GNPTAB: variants seen among roughly 807,000 people sequenced by gnomAD.
The protein encoded by GNPTAB is N-acetylglucosamine-1-phosphate transferase subunits alpha and beta.
GNPTAB carries 92 observed loss-of-function variants against 136.6 expected under a neutral mutation model. The observed-to-expected ratio is 0.67, with a 90% CI of 0.57 to 0.80. GNPTAB has a LOEUF of 0.80. Among genes scored for constraint, GNPTAB ranks in the 30% least tolerant of loss-of-function variants. The probability of loss-of-function intolerance (pLI) is 0.00; values close to 1 mark genes in which losing one functional copy is unlikely to be tolerated. For missense variants in GNPTAB, 1,343 were observed against 1,501.8 expected (o/e 0.89, Z 1.75); for synonymous variants, 512 against 535.1 (o/e 0.96, Z 0.60).
intron 2 of GNPTAB, among the ~76,000 whole-genome samples, chr12:101,791,484 C>A (rs543404831): frequency 6.8e-6 from 1 of 147,750 alleles, no homozygotes; most frequent in African/African-American, 2.5e-5. Context: ...TAATAAACCA[C>A]GCAAAAAAAA....
intron 1 of GNPTAB, among the ~76,000 whole-genome samples, chr12:101,807,401 T>C (rs1307634220): frequency 6.6e-6 from 1 of 152,160 alleles, no homozygotes; most frequent in Non-Finnish European, 1.5e-5. Flanking sequence ...CCCATCACCA[T>C]TCTTATTCAA....
In GNPTAB at chr12:101,766,075, T is replaced by G. The variant is rs752134032; in HGVS notation, c.1612+16A>C. ...GTTTTATGCTCCCATTCTTATTTGTTTGGCAGTAAACATACCTTGCCCACA... is the reference window on the plus strand; with the variant it reads ...GTTTTATGCTCCCATTCTTATTTGTGTGGCAGTAAACATACCTTGCCCACA... On this transcript the variant is annotated intron_variant, in intron 12 of 20. Transcript: ENST00000299314. The G allele has an allele frequency of 1.9e-6, 3 of 1,608,942 alleles. No individual in the cohort carries two copies. The Admixed American group carries it at 5.0e-5, about 27-fold the overall frequency.
At chr12:101,804,584 TG>T (rs1485373515) in intron 1 of GNPTAB, among the ~76,000 whole-genome samples, 1 of 152,226 alleles carries the variant, frequency 6.6e-6, no homozygotes, top group Non-Finnish European at 1.5e-5. Flanking sequence ...ATATGGTATG[TG>T]GCCACAAGTC....
chr12:101,816,663 C>T (rs1251423408), intron 1 of GNPTAB, among the ~76,000 whole-genome samples: 9 of 152,110 alleles, frequency 5.9e-5, no homozygotes, highest in African/African-American at 9.7e-5. Context: ...AAAAATAGAA[C>T]GACTATATGA....
chr12:101,768,020 G>A lies in GNPTAB; in HGVS notation c.1408+17C>T, dbSNP rs1384598259. On this transcript the variant is annotated intron_variant, in intron 11 of 20. Coordinates refer to ENST00000299314, the MANE Select transcript of GNPTAB (RefSeq NM_024312.5). ...ATTCCATAAAAATGAACGAATTACA[G>A]TTTAACACATCCTTACCAGAGCAAT... is the stretch of plus-strand genomic sequence containing the variant. 1.2e-6 allele frequency: 2 copies of A among 1,613,288 alleles called. No individual in the cohort carries two copies. The highest frequency in any genetic ancestry group is 1.7e-5 in the Admixed American group (1 of 59,996).
chr12:101,790,143 G>T, intron 2 of GNPTAB, 86 bp from the exon 3 acceptor site: 1 of 1,577,298 alleles, frequency 6.3e-7, no homozygotes, highest in African/African-American at 1.3e-5. Flanking sequence ...TAAACCCAGA[G>T]ATTATGAAAA....
At chr12:101,747,294 T>C (rs977866568) in intron 20 of GNPTAB, 53 bp from the exon 21 acceptor site, 16 of 1,025,628 alleles carry the variant, frequency 1.6e-5, no homozygotes, top group African/African-American at 4.7e-5. Flanking sequence ...GATGAAAGAA[T>C]ATAAGTGCAT....
chr12:101,750,225 T>G (rs772420729), intron 19 of GNPTAB, among the ~76,000 whole-genome samples: 7 of 152,228 alleles, frequency 4.6e-5, no homozygotes, highest in Non-Finnish European at 1.0e-4. Flanking sequence ...ACCATAGGTT[T>G]GGAAGATATG....
intron 5 of GNPTAB, among the ~76,000 whole-genome samples, chr12:101,781,296 A>C (rs1485409690): frequency 3.3e-5 from 5 of 152,200 alleles, no homozygotes; most frequent in Non-Finnish European, 5.9e-5. Context: ...TCTGATCTTC[A>C]AGATAAACAA....
chr12:101,812,987 T>TGTG (rs376699605), intron 1 of GNPTAB, among the ~76,000 whole-genome samples: 7 of 133,020 alleles, frequency 5.3e-5, no homozygotes, highest in African/African-American at 2.0e-4. Context: ...TTTGTGTGTG[T>TGTG]TTTTTTTTTT....
At position 101,764,954 on chromosome 12, in the gene GNPTAB, G is replaced by A. The variant is rs940673327; in HGVS notation, c.1963C>T (p.Pro655Ser). Residue 655 changes from proline to serine, a missense_variant, in exon 13 of 21, where the codon CCC (proline) becomes TCC (serine). Pro to Ser is a moderately conservative substitution (Grantham distance 74, BLOSUM62 -1). Transcript: ENST00000299314. The part of the protein sequence containing the change: ...AQKGYENLVS[P>S]ITLLPEAEIL... ...TCCGCCTCTGGAAGAAGTGTTATGG[G>A]ACTAACTAAATTTTCGTAACCCTTC... is the stretch of plus-strand genomic sequence containing the variant. The A allele has an allele frequency of 1.4e-5, 23 of 1,613,818 alleles. No homozygotes were observed. Among genetic ancestry groups the A allele is most frequent in the Non-Finnish European group, 1.9e-5 (22 of 1,179,982 alleles).
At chr12:101,823,597 G>A (rs1234696248) in intron 1 of GNPTAB, among the ~76,000 whole-genome samples, 3 of 117,276 alleles carry the variant, frequency 2.6e-5, no homozygotes, top group African/African-American at 3.4e-5. Flanking sequence ...GAGACAGAAC[G>A]AGACTCCGTC....
intron 1 of GNPTAB, among the ~76,000 whole-genome samples, chr12:101,827,575 G>A (rs1047857836): frequency 6.6e-6 from 1 of 151,992 alleles, no homozygotes; most frequent in Non-Finnish European, 1.5e-5. Context: ...TCTACTTCTC[G>A]AAGTTTGGAT....
At chr12:101,787,816 G>A (rs1350967164) in intron 4 of GNPTAB, among the ~76,000 whole-genome samples, 1 of 151,558 alleles carries the variant, frequency 6.6e-6, no homozygotes, top group Non-Finnish European at 1.5e-5. Context: ...GGGAGGCTGA[G>A]GCAGGAGAAT....
intron 18 of GNPTAB, among the ~76,000 whole-genome samples, chr12:101,755,135 A>G (rs1283808184): frequency 6.8e-6 from 1 of 146,590 alleles, no homozygotes; most frequent in African/African-American, 2.5e-5. Flanking sequence ...TTGGAGATAC[A>G]TACAAAAAAC....
chr12:101,788,110 T>C (rs539117127), intron 4 of GNPTAB, among the ~76,000 whole-genome samples: 16 of 152,304 alleles, frequency 1.1e-4, no homozygotes, highest in African/African-American at 3.8e-4. Context: ...TTGGTTCTTG[T>C]TGTTGGGCTA....
chr12:101,799,458 G>A (rs1388174806), intron 1 of GNPTAB, among the ~76,000 whole-genome samples: 1 of 152,222 alleles, frequency 6.6e-6, no homozygotes, highest in Non-Finnish European at 1.5e-5. Flanking sequence ...TGGGAAAAAT[G>A]TGACAAAGAA....
intron 7 of GNPTAB, among the ~76,000 whole-genome samples, chr12:101,776,236 A>G (rs149181263): frequency 9.8e-5 from 15 of 152,354 alleles, no homozygotes; most frequent in African/African-American, 3.4e-4. Context: ...AAAAGCAAAA[A>G]TCAAAAAATA....
At chr12:101,772,773 C>T (rs1953198189) in intron 7 of GNPTAB, among the ~76,000 whole-genome samples, 1 of 152,044 alleles carries the variant, frequency 6.6e-6, no homozygotes, top group African/African-American at 2.4e-5. Flanking sequence ...CTGAGGGCTC[C>T]CTGGAGAGAA....
Sources: allele counts gnomAD v4.1 joint callset (sites outside exome capture counted in the v4.1 genomes callset), GRCh38; gene constraint gnomAD v4.1.1; transcripts MANE v1.5; gene names NCBI Gene and HGNC (gene_info 2026-07-23, HGNC 2026-07-21).